The following FTO variants were observed in gnomAD, a reference collection of about 807,000 sequenced individuals.
The protein encoded by FTO is alpha-ketoglutarate-dependent dioxygenase FTO.
A neutral mutation model predicts 63.9 loss-of-function variants in FTO; 47 were observed. That is an observed-to-expected ratio of 0.74 (90% CI 0.58 to 0.94). The LOEUF (loss-of-function observed/expected upper bound fraction) is 0.94. Among genes scored for constraint, FTO ranks in the 40% least tolerant of loss-of-function variants. The pLI, the probability that FTO is intolerant of heterozygous loss-of-function variation, is 0.00. For missense variants in FTO, 562 were observed against 618.1 expected, an observed-to-expected ratio of 0.91 and a Z score of 0.96; for synonymous variants, 207 against 224.4, an observed-to-expected ratio of 0.92 and a Z score of 0.69.
intron 7 of FTO, among the ~76,000 whole-genome samples, chr16:53,909,213 G>A (rs2081617690): frequency 6.6e-6 from 1 of 152,186 alleles, no homozygotes; most frequent in African/African-American, 2.4e-5. Context: ...CCTCAGTCCA[G>A]TCTAACAAAC....
intron 8 of FTO, among the ~76,000 whole-genome samples, chr16:53,951,973 T>A (rs757172963): frequency 6.6e-6 from 1 of 152,172 alleles, no homozygotes; most frequent in African/African-American, 2.4e-5. Context: ...GTTTCAATCA[T>A]AATTATGCTA....
chr16:53,872,500 T>A (rs910151081), intron 4 of FTO, among the ~76,000 whole-genome samples: 4 of 152,220 alleles, frequency 2.6e-5, no homozygotes, highest in Non-Finnish European at 5.9e-5. Context: ...TGAAACTGTT[T>A]CCATGGAGTA....
chr16:53,950,004 G>A (rs903281451), intron 8 of FTO, among the ~76,000 whole-genome samples: 24 of 150,390 alleles, frequency 1.6e-4, no homozygotes, highest in African/African-American at 3.4e-4. Flanking sequence ...GCAGTGAAGA[G>A]CAAAATGTTT....
chr16:53,925,346 C>T (rs914283235), intron 7 of FTO, among the ~76,000 whole-genome samples: 8 of 151,970 alleles, frequency 5.3e-5, no homozygotes, highest in African/African-American at 1.5e-4. Context: ...ACATTTTTCC[C>T]GTAATGACAG....
Position 54,118,478 on chromosome 16 carries a change from G to C in FTO, c.*6563G>C, listed in dbSNP as rs1338865617. ...GGGCTCAAGCGATTCTCCTGCCTCAGCCTCCTAAGTAGTCGGGATCATAGG... is the reference window on the plus strand; with the variant it reads ...GGGCTCAAGCGATTCTCCTGCCTCACCCTCCTAAGTAGTCGGGATCATAGG... On this transcript the variant is annotated 3_prime_UTR_variant, in exon 9 of 9. Coordinates refer to ENST00000471389, the MANE Select transcript of FTO (RefSeq NM_001080432.3). 6.6e-6 allele frequency: 1 copy of C among 151,428 alleles called. No individual in the cohort carries two copies. Among genetic ancestry groups the C allele is most frequent in the Non-Finnish European group, 1.5e-5 (1 of 68,006 alleles). The allele number at this position is 151,428 out of a possible 1,614,324, so 9.4% of individuals were successfully genotyped here. A position where few individuals can be genotyped will look rare whatever the true frequency, so the allele number is the denominator to read the frequency against.
intron 8 of FTO, among the ~76,000 whole-genome samples, chr16:53,976,295 A>ACT (rs1470296306): frequency 6.6e-6 from 1 of 152,044 alleles, no homozygotes; most frequent in Non-Finnish European, 1.5e-5. Context: ...CCTGAACTTT[A>ACT]CTTTTGTGAC....
chr16:53,743,506 A>C (rs1488512646), intron 1 of FTO, among the ~76,000 whole-genome samples: 1 of 150,602 alleles, frequency 6.6e-6, no homozygotes, highest in Admixed American at 6.7e-5. Context: ...GGAGCCTCAG[A>C]TGAGTCTTTG....
chr16:53,755,104 A>G (rs2076890066), intron 1 of FTO, among the ~76,000 whole-genome samples: 1 of 152,250 alleles, frequency 6.6e-6, no homozygotes, highest in African/African-American at 2.4e-5. Flanking sequence ...CTGACTGACT[A>G]TGACCAAGAT....
intron 8 of FTO, among the ~76,000 whole-genome samples, chr16:53,997,140 GAA>G (rs201348538): frequency 9.3e-5 from 4 of 42,938 alleles, no homozygotes; most frequent in African/African-American, 7.6e-4. Flanking sequence ...AAGAAGGAAA[GAA>G]AGAGAGAGAG....
chr16:53,729,633 T>G (rs2076229686), intron 1 of FTO, among the ~76,000 whole-genome samples: 1 of 152,152 alleles, frequency 6.6e-6, no homozygotes, highest in African/African-American at 2.4e-5. Context: ...TCAGCCTTAT[T>G]TATTGTCAGC....
chr16:53,739,078 C>T lies in FTO; in HGVS notation c.45+34849C>T, dbSNP rs143052560. The stretch of plus-strand genomic sequence containing the variant: ...CTGGGCTCAAGTGATCCTCCAGCCT[C>T]GGCTGCCCAAACTGCTGGGATTACA... On this transcript the variant is annotated intron_variant, in intron 1 of 8. Coordinates refer to ENST00000471389, the MANE Select transcript of FTO (RefSeq NM_001080432.3). Among the ~76,000 whole-genome samples, 85 of 152,310 alleles carry T rather than the reference C, an allele frequency of 5.6e-4. No individual in the cohort carries two copies. The East Asian group carries it at 0.012, about 22-fold the overall frequency.
At chr16:54,048,257 A>G (rs1468890006) in intron 8 of FTO, among the ~76,000 whole-genome samples, 1 of 11,994 alleles carries the variant, frequency 8.3e-5, no homozygotes, top group Non-Finnish European at 1.3e-4. Context: ...AAAATACTTG[A>G]AAAAAAAAAA....
intron 1 of FTO, among the ~76,000 whole-genome samples, chr16:53,736,636 A>G (rs1165968001): frequency 1.3e-5 from 2 of 152,086 alleles, no homozygotes; most frequent in Non-Finnish European, 2.9e-5. Flanking sequence ...CTTCTCCCCA[A>G]CATCCTCTCT....
intron 8 of FTO, among the ~76,000 whole-genome samples, chr16:53,990,454 T>C (rs985747050): frequency 5.3e-5 from 8 of 152,074 alleles, no homozygotes; most frequent in Non-Finnish European, 1.0e-4. Flanking sequence ...TGACTTCAAT[T>C]GTAGGTCACT....
At chr16:54,106,821 TTATA>T (rs1413593156) in intron 8 of FTO, among the ~76,000 whole-genome samples, 1 of 136,492 alleles carries the variant, frequency 7.3e-6, no homozygotes, top group African/African-American at 2.7e-5. Flanking sequence ...TATATACTTA[TTATA>T]TATAATTTAT....
intron 4 of FTO, among the ~76,000 whole-genome samples, chr16:53,873,056 T>C (rs1248596120): frequency 6.6e-6 from 1 of 152,200 alleles, no homozygotes; most frequent in Non-Finnish European, 1.5e-5. Context: ...TTGAGTTCTG[T>C]TCTAAGAGCC....
At chr16:53,910,356 T>C (rs2081657128) in intron 7 of FTO, among the ~76,000 whole-genome samples, 1 of 151,970 alleles carries the variant, frequency 6.6e-6, no homozygotes, top group African/African-American at 2.4e-5. Flanking sequence ...GATTTTTGAG[T>C]AGGAAAGTGA....
At chr16:53,779,591 C>T (rs1173510520) in intron 1 of FTO, among the ~76,000 whole-genome samples, 3 of 152,148 alleles carry the variant, frequency 2.0e-5, no homozygotes, top group Admixed American at 6.5e-5. Flanking sequence ...AGACTCATTT[C>T]GGGTACAATT....
At chr16:53,706,352 T>A (rs1421504760) in intron 1 of FTO, among the ~76,000 whole-genome samples, 1 of 152,194 alleles carries the variant, frequency 6.6e-6, no homozygotes, top group African/African-American at 2.4e-5. Context: ...TTGACAAATG[T>A]ATATACCTGC....
Sources: allele counts gnomAD v4.1 joint callset (sites outside exome capture counted in the v4.1 genomes callset), GRCh38; gene constraint gnomAD v4.1.1; transcripts MANE v1.5; gene names NCBI Gene and HGNC (gene_info 2026-07-23, HGNC 2026-07-21).